The following ANKRD6 variants were observed in gnomAD, a reference collection of about 807,000 sequenced individuals.
The protein encoded by ANKRD6 is ankyrin repeat domain-containing protein 6.
A neutral mutation model predicts 82.3 loss-of-function variants in ANKRD6; 56 were observed. The ratio of observed to expected loss-of-function variants is 0.68; its 90% CI spans 0.55 to 0.85. The LOEUF (loss-of-function observed/expected upper bound fraction) is 0.85, where lower values mean the gene tolerates loss of function less well. ANKRD6 is among the 40% of genes least tolerant of loss of function. The pLI, the probability that ANKRD6 is intolerant of heterozygous loss-of-function variation, is 0.00. For synonymous variants in ANKRD6, 347 were observed against 352.1 expected (o/e 0.99, Z 0.16); for missense variants, 852 against 907.6 (o/e 0.94, Z 0.79).
intron 2 of ANKRD6, among the ~76,000 whole-genome samples, chr6:89,575,511 A>C (rs1790917502): frequency 6.6e-6 from 1 of 152,158 alleles, no homozygotes; most frequent in African/African-American, 2.4e-5. Context: ...GCTGCTTGTT[A>C]GAGCATATTC....
chr6:89,490,369 G>A (rs531361400), intron 1 of ANKRD6, among the ~76,000 whole-genome samples: 2 of 152,330 alleles, frequency 1.3e-5, no homozygotes, highest in South Asian at 2.1e-4. Flanking sequence ...ACACAAATAC[G>A]TGATACCTCA....
At chr6:89,507,572 G>C (rs933448424) in intron 1 of ANKRD6, among the ~76,000 whole-genome samples, 1 of 152,214 alleles carries the variant, frequency 6.6e-6, no homozygotes, top group East Asian at 1.9e-4. Flanking sequence ...AGAACAAACA[G>C]AGCACGGGGT....
chr6:89,571,962 G>T (rs899301458), intron 2 of ANKRD6, among the ~76,000 whole-genome samples: 1 of 152,070 alleles, frequency 6.6e-6, no homozygotes, highest in East Asian at 1.9e-4. Context: ...GCAACCACTG[G>T]ATCTTCTTAC....
chr6:89,560,156 T>C (rs1787191594), intron 1 of ANKRD6, among the ~76,000 whole-genome samples: 1 of 152,196 alleles, frequency 6.6e-6, no homozygotes. Flanking sequence ...CCATGTCTGC[T>C]TGAGCTACCA....
At chr6:89,524,604 C>T (rs913442249) in intron 1 of ANKRD6, among the ~76,000 whole-genome samples, 5 of 152,114 alleles carry the variant, frequency 3.3e-5, no homozygotes, top group African/African-American at 1.2e-4. Flanking sequence ...GTGTATATAC[C>T]ACATTTTTTT....
intron 1 of ANKRD6, among the ~76,000 whole-genome samples, chr6:89,472,170 C>T (rs987100420): frequency 6.6e-6 from 1 of 152,052 alleles, no homozygotes; most frequent in Non-Finnish European, 1.5e-5. Context: ...CTAATTTCCC[C>T]ATTCTATAAG....
intron 1 of ANKRD6, among the ~76,000 whole-genome samples, chr6:89,441,782 G>A (rs892616901): frequency 4.6e-5 from 7 of 151,782 alleles, no homozygotes; most frequent in Non-Finnish European, 8.8e-5. Context: ...ATAGGCATGC[G>A]CCACCACACC....
At chr6:89,506,779 T>C (rs1243853738) in intron 1 of ANKRD6, among the ~76,000 whole-genome samples, 1 of 152,234 alleles carries the variant, frequency 6.6e-6, no homozygotes, top group Non-Finnish European at 1.5e-5. Flanking sequence ...TTTAGTTGGT[T>C]CGCATCCCGA....
At chr6:89,459,051 T>A (rs1361087878) in intron 1 of ANKRD6, among the ~76,000 whole-genome samples, 1 of 151,974 alleles carries the variant, frequency 6.6e-6, no homozygotes, top group Non-Finnish European at 1.5e-5. Context: ...AGAGTTCACC[T>A]TTTTTTTGTC....
At chr6:89,490,137 A>G (rs1326763718) in intron 1 of ANKRD6, among the ~76,000 whole-genome samples, 1 of 152,204 alleles carries the variant, frequency 6.6e-6, no homozygotes, top group African/African-American at 2.4e-5. Context: ...AGATTGGTCC[A>G]GATTAATCCA....
At chr6:89,609,348 C>T (rs1264788667) in intron 5 of ANKRD6, among the ~76,000 whole-genome samples, 1 of 152,094 alleles carries the variant, frequency 6.6e-6, no homozygotes, top group Non-Finnish European at 1.5e-5. Flanking sequence ...GTTGCCCAGG[C>T]TGGAGTGCAA....
At chr6:89,517,595 A>G (rs571131964) in intron 1 of ANKRD6, among the ~76,000 whole-genome samples, 14 of 152,362 alleles carry the variant, frequency 9.2e-5, no homozygotes, top group African/African-American at 3.4e-4. Context: ...ACCATTATAT[A>G]TGAAAAAATT....
chr6:89,541,151 AT>A (rs1252646048), intron 1 of ANKRD6, among the ~76,000 whole-genome samples: 6 of 151,464 alleles, frequency 4.0e-5, no homozygotes, highest in African/African-American at 7.3e-5. Context: ...TTTTTTTTCT[AT>A]TTCTGTGAAG....
At chr6:89,499,046 A>G (rs1778967348) in intron 1 of ANKRD6, among the ~76,000 whole-genome samples, 2 of 152,180 alleles carry the variant, frequency 1.3e-5, no homozygotes, top group African/African-American at 4.8e-5. Flanking sequence ...TATGTGATAT[A>G]GTTTGGCCAA....
intron 1 of ANKRD6, among the ~76,000 whole-genome samples, chr6:89,440,716 G>A (rs372945916): frequency 1.7e-4 from 26 of 152,022 alleles, no homozygotes; most frequent in East Asian, 5.8e-4. Context: ...GATCGCTTGA[G>A]CCCAGGAGTT....
chr6:89,627,691 C>G lies in ANKRD6; in HGVS notation c.1480C>G (p.Arg494Gly). Residue 494 changes from arginine (R) to glycine (G), a missense_variant, in exon 14 of 16, where the codon CGA becomes GGA. Coordinates refer to ENST00000339746, the MANE Select transcript of ANKRD6 (RefSeq NM_001242809.2). The stretch of plus-strand genomic sequence containing the variant: ...CACAGAGAAGCATGAGGGGGAGAAA[C>G]GACAGGTAGGAACCAGCATCTGCTA... The part of the protein sequence containing the change: ...SDTEKHEGEK[R>G]QISLVDELKT... 1 of 1,613,644 alleles carries G rather than the reference C, an allele frequency of 6.2e-7. No individual in the cohort carries two copies. Among genetic ancestry groups the G allele is most frequent in the Non-Finnish European group, 8.5e-7 (1 of 1,179,688 alleles).
chr6:89,466,482 T>C (rs1340522265), intron 1 of ANKRD6, among the ~76,000 whole-genome samples: 2 of 152,232 alleles, frequency 1.3e-5, no homozygotes, highest in Non-Finnish European at 2.9e-5. Flanking sequence ...TGATTATTCT[T>C]GGTTTTTAAA....
chr6:89,492,143 G>A (rs1210612995), intron 1 of ANKRD6, among the ~76,000 whole-genome samples: 91 of 152,192 alleles, frequency 6.0e-4, no homozygotes, highest in Admixed American at 6.0e-3. Context: ...CCTAGCATGG[G>A]TAAGGAAAGA....
At chr6:89,607,480 G>A (rs1799004556) in intron 5 of ANKRD6, among the ~76,000 whole-genome samples, 1 of 152,086 alleles carries the variant, frequency 6.6e-6, no homozygotes, top group Non-Finnish European at 1.5e-5. Flanking sequence ...TATAGTACAT[G>A]TCCCAGTGCT....
Sources: gnomAD v4.1 joint callset for allele counts (sites outside exome capture counted in the v4.1 genomes callset) on GRCh38, gnomAD v4.1.1 for gene constraint, MANE v1.5 for transcripts, NCBI Gene and HGNC (gene_info 2026-07-23, HGNC 2026-07-21) for gene names.